The following WDR27 variants were observed in gnomAD, a reference collection of about 807,000 sequenced individuals.
The protein encoded by WDR27 is WD repeat-containing protein 27.
A neutral mutation model predicts 114.4 loss-of-function variants in WDR27; 100 were observed. That is an observed-to-expected ratio of 0.87 (90% CI 0.74 to 1.03). WDR27 has a LOEUF of 1.03. WDR27 is among the 50% of genes least tolerant of loss of function. The pLI is 0.00. For synonymous variants in WDR27, 449 were observed against 423.1 expected, an observed-to-expected ratio of 1.06 and a Z score of -0.75; for missense variants, 1,129 against 1,092.9, an observed-to-expected ratio of 1.03 and a Z score of -0.47.
chr6:169,688,266 C>T (rs1783559593), intron 2 of WDR27, among the ~76,000 whole-genome samples: 1 of 152,018 alleles, frequency 6.6e-6, no homozygotes, highest in South Asian at 2.1e-4. Context: ...GAAACCAGCA[C>T]AAAAAAGTAC....
chr6:169,439,939 T>C, the WDR27 span, among the ~76,000 whole-genome samples: 1 of 146,512 alleles, frequency 6.8e-6, no homozygotes, highest in Non-Finnish European at 1.5e-5. Context: ...ATTGGTAATA[T>C]AATTATTTAA....
chr6:169,609,099 C>A (rs1055333080), intron 22 of WDR27, among the ~76,000 whole-genome samples: 4 of 151,822 alleles, frequency 2.6e-5, no homozygotes, highest in Admixed American at 1.3e-4. Context: ...TGGTCGTGGG[C>A]AGCTCTGTCC....
chr6:169,577,511 AC>A (rs1282028566), intron 24 of WDR27, among the ~76,000 whole-genome samples: 1 of 151,592 alleles, frequency 6.6e-6, no homozygotes, highest in African/African-American at 2.4e-5. Flanking sequence ...AAGGGTCCAC[AC>A]GTGGAGGACG....
At chr6:169,605,319 A>G (rs901843839) in intron 22 of WDR27, among the ~76,000 whole-genome samples, 6 of 151,886 alleles carry the variant, frequency 4.0e-5, no homozygotes, top group Non-Finnish European at 7.4e-5. Context: ...CTATACATCA[A>G]TAATGATTTA....
At chr6:169,516,432 T>C (rs1793647723) in intron 25 of WDR27, among the ~76,000 whole-genome samples, 1 of 152,164 alleles carries the variant, frequency 6.6e-6, no homozygotes, top group Non-Finnish European at 1.5e-5. Flanking sequence ...GGCTTGTCTT[T>C]CTCTCACCTG....
intron 25 of WDR27, among the ~76,000 whole-genome samples, chr6:169,527,820 G>A (rs553210018): frequency 6.6e-6 from 1 of 152,084 alleles, no homozygotes; most frequent in African/African-American, 2.4e-5. Context: ...TTTGTAAAAC[G>A]TCAGCTAAGT....
At chr6:169,533,989 C>G (rs1212092179) in intron 25 of WDR27, among the ~76,000 whole-genome samples, 1 of 152,184 alleles carries the variant, frequency 6.6e-6, no homozygotes, top group Non-Finnish European at 1.5e-5. Context: ...GGGGAAAGCA[C>G]CCAGCCGAAA....
intron 25 of WDR27, among the ~76,000 whole-genome samples, chr6:169,501,014 T>C (rs1050317587): frequency 9.2e-5 from 14 of 152,212 alleles, no homozygotes; most frequent in Non-Finnish European, 2.1e-4. Flanking sequence ...TCGAACTCCT[T>C]GCCACCAAGG....
the WDR27 span, among the ~76,000 whole-genome samples, chr6:169,441,104 T>C: frequency 6.6e-6 from 1 of 152,180 alleles, no homozygotes; most frequent in African/African-American, 2.4e-5. Context: ...TGACAATGCC[T>C]AAGAGACTAA....
chr6:169,576,605 A>G (rs1353485093), intron 24 of WDR27, among the ~76,000 whole-genome samples: 1 of 152,094 alleles, frequency 6.6e-6, no homozygotes. Context: ...TATTAAAAAT[A>G]AAAATTAAAA....
the WDR27 span, among the ~76,000 whole-genome samples, chr6:169,448,392 A>ATGTGTGTGTGTG: frequency 6.6e-4 from 87 of 132,044 alleles, no homozygotes; most frequent in East Asian, 0.01. Context: ...CTCTGTCTCT[A>ATGTGTGTGTGTG]TGTGTGTGTG....
intron 22 of WDR27, 31 bp downstream of exon 22, chr6:169,613,528 C>T (rs760350599): frequency 5.1e-6 from 8 of 1,568,326 alleles, no homozygotes; most frequent in South Asian, 3.4e-5. Flanking sequence ...AGCTCCCCAC[C>T]CCTGCAGTGC....
intron 25 of WDR27, among the ~76,000 whole-genome samples, chr6:169,543,672 T>C (rs1297231979): frequency 6.6e-6 from 1 of 152,114 alleles, no homozygotes. Flanking sequence ...AGATATGAGG[T>C]TGGGAAAGGA....
At chr6:169,578,744 C>T (rs552246257) in intron 24 of WDR27, among the ~76,000 whole-genome samples, 64 of 152,246 alleles carry the variant, frequency 4.2e-4, no homozygotes, top group African/African-American at 1.4e-3. Context: ...TCTTGGGGGA[C>T]GCTCAACAGT....
chr6:169,664,460 TCCGTACGGCCCA>T (rs1337574103), intron 7 of WDR27, 174 bp from the exon 8 acceptor site: 16 of 1,465,520 alleles, frequency 1.1e-5, no homozygotes, highest in Non-Finnish European at 1.3e-5. Flanking sequence ...CTGGAGGCCC[TCCGTACGGCCCA>T]CGGTGTCAGA....
chr6:169,541,968 C>G (rs1796899146), intron 25 of WDR27, among the ~76,000 whole-genome samples: 1 of 152,124 alleles, frequency 6.6e-6, no homozygotes, highest in Admixed American at 6.5e-5. Flanking sequence ...TTTCTGAAGA[C>G]AAACTGTTGT....
chr6:169,444,526 C>A, the WDR27 span, among the ~76,000 whole-genome samples: 1 of 152,172 alleles, frequency 6.6e-6, no homozygotes, highest in South Asian at 2.1e-4. Context: ...CTGGCCAGAG[C>A]CGGCAGGGGC....
chr6:169,595,842 A>G (rs1054343601), intron 23 of WDR27, among the ~76,000 whole-genome samples: 1 of 149,576 alleles, frequency 6.7e-6, no homozygotes, highest in Non-Finnish European at 1.5e-5. Context: ...TGGCATATTC[A>G]TAACTGTGTG....
chr6:169,654,700 G>GAGGAGGCGCGCACAGGAGA (rs913460412), intron 13 of WDR27, among the ~76,000 whole-genome samples: 127 of 141,558 alleles, frequency 9.0e-4, no homozygotes, highest in African/African-American at 2.7e-3. Context: ...GCGAGCTGAG[G>GAGGAGGCGCGCACAGGAGA]AGGAGGCGCG....
Sources: gnomAD v4.1 joint callset for allele counts (sites outside exome capture counted in the v4.1 genomes callset) on GRCh38, gnomAD v4.1.1 for gene constraint, MANE v1.5 for transcripts, NCBI Gene and HGNC (gene_info 2026-07-23, HGNC 2026-07-21) for gene names.